The following SATB1 variants were observed in gnomAD, a reference collection of about 807,000 sequenced individuals.
SATB1 encodes DNA-binding protein SATB1.
Under a neutral mutation model 86.9 loss-of-function variants are expected in SATB1, and 11 were observed. That is an observed-to-expected ratio of 0.13 (90% confidence interval 0.08 to 0.21). The LOEUF is 0.21. Ranked by LOEUF, SATB1 falls within the 10% of genes least tolerant of loss-of-function variation. The probability of loss-of-function intolerance (pLI) is 1.00; values close to 1 mark genes in which losing one functional copy is unlikely to be tolerated. For missense variants in SATB1, 551 were observed against 937.6 expected (o/e 0.59, Z 5.39); for synonymous variants, 357 against 357.2 (o/e 1.00, Z 0.01).
intron 5 of SATB1, among the ~76,000 whole-genome samples, chr3:18,401,102 C>G (rs955420733): frequency 3.3e-5 from 5 of 150,336 alleles, no homozygotes; most frequent in Non-Finnish European, 7.4e-5. Flanking sequence ...TCCTAACTTC[C>G]CAAACCTCCT....
intron 5 of SATB1, among the ~76,000 whole-genome samples, chr3:18,414,077 C>A (rs1697998999): frequency 6.6e-6 from 1 of 152,100 alleles, no homozygotes. Context: ...GAAATGTTTA[C>A]AGCAGCATCC....
rs1167513099 is a variant in SATB1, at chr3:18,386,895, G to T, written c.1207-284C>A. On this transcript the variant is annotated intron_variant, in intron 7 of 10. Transcript: ENST00000338745. The surrounding 1 kb of genome is among the most constrained non-coding windows in gnomAD (Gnocchi z 4.5). ...GCCATGAAATCTTTCACAGAGAGAC[G>T]ATCCAGGGAAGTTAAGAATAAACGA... Among the ~76,000 whole-genome samples the T allele has an allele frequency of 1.3e-5, 2 of 152,114 alleles. No homozygotes were observed. Among genetic ancestry groups the T allele is most frequent in the African/African-American group, 4.8e-5 (2 of 41,412 alleles).
intron 10 of SATB1, chr3:18,351,440 C>G (rs1160319310): frequency 1.4e-6 from 2 of 1,472,226 alleles, no homozygotes; most frequent in Non-Finnish European, 1.8e-6. Flanking sequence ...ATGACTCACC[C>G]CTAACCTACA....
chr3:18,355,029 G>A (rs1000905246), intron 9 of SATB1, among the ~76,000 whole-genome samples: 2 of 152,020 alleles, frequency 1.3e-5, no homozygotes, highest in Non-Finnish European at 2.9e-5. Context: ...TGAATTATAA[G>A]TCGAAGCATG....
rs376183541 is a variant in SATB1 at position 18,394,943 on chromosome 3, A to G, written c.752-27T>C. The G allele has an allele frequency of 2.7e-5, 41 of 1,496,278 alleles. 1 individual carries two copies. The highest frequency in any genetic ancestry group is 1.6e-4 in the South Asian group (13 of 79,688). 92.7% of individuals were successfully genotyped at this position (1,496,278 alleles called of 1,614,324 possible). Reference sequence around the variant, plus strand: ...TAAAGTGGACAAAGAGTAAAATCACATTCAGCCAACAATGATTGGCATTGA... The same window carrying G: ...TAAAGTGGACAAAGAGTAAAATCACGTTCAGCCAACAATGATTGGCATTGA... On this transcript the variant is annotated intron_variant, in intron 6 of 10. Transcript: ENST00000338745. This position sits in a 1 kb window ranked among gnomAD's most constrained non-coding sequence, Gnocchi z 5.9.
chr3:18,353,534 T>C (rs941576845), intron 9 of SATB1, among the ~76,000 whole-genome samples: 2 of 151,264 alleles, frequency 1.3e-5, no homozygotes, highest in Non-Finnish European at 2.9e-5. Flanking sequence ...AAAATGGAAG[T>C]ATAGTTTTTT....
chr3:18,350,565 T>C (rs886839127), intron 10 of SATB1: 3 of 152,358 alleles, frequency 2.0e-5, no homozygotes, highest in Non-Finnish European at 2.9e-5. Context: ...ATTAGAATGC[T>C]GATACCGTGT....
At chr3:18,445,077 TG>T in intron 1 of SATB1, 1 of 376,534 alleles carries the variant, frequency 2.7e-6, no homozygotes, top group Non-Finnish European at 3.6e-6. Context: ...CATCCAGACG[TG>T]GCGCTTCGGA....
At chr3:18,359,345 A>G (rs867545441) in intron 9 of SATB1, among the ~76,000 whole-genome samples, 11 of 152,130 alleles carry the variant, frequency 7.2e-5, no homozygotes, top group Middle Eastern at 3.4e-3. Flanking sequence ...ATTTTAAAGA[A>G]TATTTTCAGA....
intron 9 of SATB1, among the ~76,000 whole-genome samples, chr3:18,370,884 C>T (rs1461068180): frequency 3.3e-5 from 5 of 152,348 alleles, no homozygotes; most frequent in Admixed American, 6.5e-5. Flanking sequence ...AGCGTCGATA[C>T]TCGACAGTTC....
At chr3:18,430,846 T>C (rs1276621623) in intron 2 of SATB1, among the ~76,000 whole-genome samples, 3 of 152,218 alleles carry the variant, frequency 2.0e-5, no homozygotes, top group South Asian at 2.1e-4. Flanking sequence ...TAATTCATGA[T>C]ACAGTTTTAA....
intron 2 of SATB1, among the ~76,000 whole-genome samples, chr3:18,420,359 C>A (rs1015955516): frequency 1.3e-5 from 2 of 152,162 alleles, no homozygotes; most frequent in Admixed American, 1.3e-4. Context: ...AACTGCCCTA[C>A]AACTAAGAAT....
intron 2 of SATB1, among the ~76,000 whole-genome samples, chr3:18,433,254 C>G (rs1698948017): frequency 6.6e-6 from 1 of 152,168 alleles, no homozygotes; most frequent in African/African-American, 2.4e-5. Flanking sequence ...TAGATTTTCT[C>G]TGTTACACAG....
chr3:18,428,960 A>C (rs1283553438), upstream of SATB1, among the ~76,000 whole-genome samples: 2 of 152,244 alleles, frequency 1.3e-5, no homozygotes, highest in African/African-American at 2.4e-5. Context: ...TGTGTTAGCA[A>C]AGCAATGCTT....
chr3:18,421,694 T>C (rs1321692338), intron 1 of SATB1, among the ~76,000 whole-genome samples: 1 of 152,156 alleles, frequency 6.6e-6, no homozygotes, highest in East Asian at 1.9e-4. Flanking sequence ...GGTTTTCAAA[T>C]ATCCAACGTA....
intron 7 of SATB1, among the ~76,000 whole-genome samples, chr3:18,388,230 C>A (rs981848226): frequency 9.9e-5 from 15 of 152,088 alleles, no homozygotes; most frequent in African/African-American, 3.6e-4. Context: ...GTCAAACAGG[C>A]AGTCAATCAT....
intron 2 of SATB1, 193 bp downstream of exon 2, chr3:18,420,564 T>C: frequency 1.7e-6 from 1 of 594,218 alleles, no homozygotes. Context: ...AGTAGAACGC[T>C]CCACCCAAGC....
chr3:18,381,205 T>C (rs1696041908), intron 8 of SATB1, among the ~76,000 whole-genome samples: 1 of 152,228 alleles, frequency 6.6e-6, no homozygotes, highest in Non-Finnish European at 1.5e-5. Context: ...TCTATTTTGC[T>C]TCTTCATGGA....
At chr3:18,430,580 T>A (rs1028519274) in intron 2 of SATB1, among the ~76,000 whole-genome samples, 4 of 152,128 alleles carry the variant, frequency 2.6e-5, no homozygotes, top group Admixed American at 2.6e-4. Context: ...TCTGGAAGCA[T>A]TAATGTAGAT....
Sources: gnomAD v4.1 joint callset for allele counts (sites outside exome capture counted in the v4.1 genomes callset) on GRCh38, gnomAD v4.1.1 for gene constraint, Gnocchi (gnomAD v3.1) non-coding constraint, MANE v1.5 for transcripts, NCBI Gene and HGNC (gene_info 2026-07-23, HGNC 2026-07-21) for gene names.